Variants in SLC9A9 observed in about 807,000 individuals in gnomAD.
SLC9A9 encodes the protein sodium/hydrogen exchanger 9.
A neutral mutation model predicts 77.8 loss-of-function variants in SLC9A9; 62 were observed. The observed-to-expected ratio is 0.80, with a 90% CI of 0.65 to 0.98. The LOEUF (loss-of-function observed/expected upper bound fraction) is 0.98. Among genes scored for constraint, SLC9A9 ranks in the 50% least tolerant of loss-of-function variants. SLC9A9 has a pLI of 0.00. For synonymous variants in SLC9A9, 320 were observed against 283.5 expected (o/e 1.13, Z -1.29); for missense variants, 775 against 774.9 (o/e 1.00, Z 0.00).
intron 4 of SLC9A9, among the ~76,000 whole-genome samples, chr3:143,709,405 G>A (rs1934082297): frequency 6.6e-6 from 1 of 152,136 alleles, no homozygotes; most frequent in Admixed American, 6.5e-5. Context: ...TGGGGATCAG[G>A]AGGTCTGGGG....
At position 143,374,294 on chromosome 3, in the gene SLC9A9, G is replaced by A. The variant is rs771857290; in HGVS notation, c.1524+7766C>T. 7.9e-5 allele frequency among the ~76,000 whole-genome samples: 12 copies of A among 151,754 alleles called. No individual in the cohort carries two copies. The South Asian group carries it at 1.7e-3, about 21-fold the overall frequency. On this transcript the variant is annotated intron_variant, in intron 13 of 15. Coordinates refer to ENST00000316549, the MANE Select transcript of SLC9A9 (RefSeq NM_173653.4). ...TAAAAAATTAGCCGGGCGTGGTGGC[G>A]GGCGCCTGTAGTCCCAGCTACTGGG...
chr3:143,453,607 A>G (rs2035042497), intron 12 of SLC9A9, among the ~76,000 whole-genome samples: 1 of 152,206 alleles, frequency 6.6e-6, no homozygotes, highest in African/African-American at 2.4e-5. Flanking sequence ...CTCTCTATAT[A>G]AATAATTCAC....
chr3:143,444,788 A>G (rs1399553446), intron 12 of SLC9A9, among the ~76,000 whole-genome samples: 5 of 152,170 alleles, frequency 3.3e-5, no homozygotes, highest in Non-Finnish European at 7.4e-5. Context: ...GAGGGGACAG[A>G]GGAAAAGGAA....
intron 1 of SLC9A9, among the ~76,000 whole-genome samples, chr3:143,844,960 A>G (rs1266243992): frequency 6.6e-6 from 1 of 151,898 alleles, no homozygotes; most frequent in Admixed American, 6.6e-5. Flanking sequence ...CCTTTAATGG[A>G]AAGGGGGATA....
chr3:143,303,016 G>T (rs898138523), intron 14 of SLC9A9, among the ~76,000 whole-genome samples: 1 of 152,174 alleles, frequency 6.6e-6, no homozygotes, highest in Non-Finnish European at 1.5e-5. Context: ...TCCACATCGT[G>T]CCCTTCCCCT....
At chr3:143,823,326 GGAGCTAT>G (rs1481881407) in intron 2 of SLC9A9, among the ~76,000 whole-genome samples, 1 of 152,158 alleles carries the variant, frequency 6.6e-6, no homozygotes, top group Admixed American at 6.5e-5. Flanking sequence ...AATGTCAGGT[GGAGCTAT>G]GAGACTGCAG....
rs2034111852 is a variant in SLC9A9 at position 143,412,370 on chromosome 3, G to A, written c.1470-30256C>T. Among the ~76,000 whole-genome samples, 4 of 151,940 alleles carry A rather than the reference G, an allele frequency of 2.6e-5. No individual in the cohort carries two copies. The South Asian group carries it at 8.3e-4, about 32-fold the overall frequency. ...CTCAGAATCCATGTTGTCTCCTAAA[G>A]TGCAGGCGTGATGACCCCAACACCC... is the stretch of plus-strand genomic sequence containing the variant. On this transcript the variant is annotated intron_variant, in intron 12 of 15. Transcript: ENST00000316549.
intron 6 of SLC9A9, among the ~76,000 whole-genome samples, chr3:143,605,032 GC>G (rs1186723201): frequency 1.3e-5 from 2 of 152,036 alleles, no homozygotes; most frequent in African/African-American, 2.4e-5. Flanking sequence ...AGAAGTGAAA[GC>G]CCCTTTTCTG....
At chr3:143,428,384 C>T (rs1212528113) in intron 12 of SLC9A9, among the ~76,000 whole-genome samples, 1 of 152,084 alleles carries the variant, frequency 6.6e-6, no homozygotes, top group African/African-American at 2.4e-5. Flanking sequence ...TGAGATATCA[C>T]CTCACCCCAG....
chr3:143,608,598 A>G (rs1214615913), intron 6 of SLC9A9, among the ~76,000 whole-genome samples: 2 of 152,336 alleles, frequency 1.3e-5, no homozygotes, highest in South Asian at 2.1e-4. Context: ...TATCCTGTGG[A>G]AGGACTTTTT....
chr3:143,285,881 A>T lies in SLC9A9; in HGVS notation c.1605-16901T>A, dbSNP rs116622244. ...GAAGGGGAGAGGACCATGGAACAGG[A>T]GCTGAGAACTCTTTCTCCCTGCTTT... On this transcript the variant is annotated intron_variant, in intron 14 of 15. Transcript: ENST00000316549. Among the ~76,000 whole-genome samples the T allele has an allele frequency of 7.0e-3, 1,061 of 152,302 alleles. 11 individuals are homozygous for T. The highest frequency in any genetic ancestry group is 0.024 in the African/African-American group (988 of 41,552).
chr3:143,363,303 T>G (rs1419372943), intron 14 of SLC9A9, among the ~76,000 whole-genome samples, 181 bp downstream of exon 14: 1 of 152,242 alleles, frequency 6.6e-6, no homozygotes, highest in Non-Finnish European at 1.5e-5. Context: ...CTGAAACACT[T>G]AAGTATGGAC....
intron 12 of SLC9A9, among the ~76,000 whole-genome samples, chr3:143,443,922 C>G (rs186770502): frequency 6.6e-6 from 1 of 151,938 alleles, no homozygotes; most frequent in Non-Finnish European, 1.5e-5. Flanking sequence ...ACACATGACA[C>G]GATTGCATTC....
At chr3:143,320,605 C>G (rs2031383360) in intron 14 of SLC9A9, among the ~76,000 whole-genome samples, 1 of 152,158 alleles carries the variant, frequency 6.6e-6, no homozygotes, top group Non-Finnish European at 1.5e-5. Flanking sequence ...CGCATGTGAA[C>G]TACCAGAGGC....
chr3:143,669,517 T>C (rs1263981017), intron 5 of SLC9A9, among the ~76,000 whole-genome samples: 1 of 152,218 alleles, frequency 6.6e-6, no homozygotes, highest in African/African-American at 2.4e-5. Context: ...TGATCCACTT[T>C]CAACATCCTG....
intron 12 of SLC9A9, among the ~76,000 whole-genome samples, chr3:143,460,213 A>T (rs1272806132): frequency 6.6e-6 from 1 of 152,012 alleles, no homozygotes. Flanking sequence ...GTTCAATAGT[A>T]CTCTGAATTC....
At chr3:143,391,307 C>T (rs1380854791) in intron 12 of SLC9A9, among the ~76,000 whole-genome samples, 1 of 152,258 alleles carries the variant, frequency 6.6e-6, no homozygotes, top group Non-Finnish European at 1.5e-5. Context: ...ATTTGCTGTT[C>T]TGCAGCCTCC....
At chr3:143,503,918 A>T (rs560806068) in intron 9 of SLC9A9, 69 of 362,522 alleles carry the variant, frequency 1.9e-4, no homozygotes, top group Non-Finnish European at 3.5e-4. Flanking sequence ...AGAGATGATG[A>T]CTCTTTGGCT....
At chr3:143,269,782 A>G (rs1314224021) in intron 14 of SLC9A9, among the ~76,000 whole-genome samples, 1 of 152,234 alleles carries the variant, frequency 6.6e-6, no homozygotes, top group East Asian at 1.9e-4. Context: ...ATTTCACTTC[A>G]TCAACTTTCC....
Sources: gnomAD v4.1 joint callset for allele counts (sites outside exome capture counted in the v4.1 genomes callset) on GRCh38, gnomAD v4.1.1 for gene constraint, MANE v1.5 for transcripts, NCBI Gene and HGNC (gene_info 2026-07-23, HGNC 2026-07-21) for gene names.